Variants in NUBPL observed in about 807,000 individuals in gnomAD.
NUBPL encodes the protein NUBP iron-sulfur cluster assembly factor, mitochondrial.
In NUBPL, 31 loss-of-function variants were observed where a neutral mutation model predicts 45.7. That is an observed-to-expected ratio of 0.68 (90% confidence interval 0.51 to 0.92). The LOEUF is 0.92. Ranked by LOEUF, NUBPL falls within the 40% of genes least tolerant of loss-of-function variation. The pLI, the probability that NUBPL is intolerant of heterozygous loss-of-function variation, is 0.00. For missense variants in NUBPL, 401 were observed against 398.7 expected (o/e 1.01, Z -0.05); for synonymous variants, 144 against 140.9 (o/e 1.02, Z -0.15).
chr14:31,650,596 T>C (rs1453714302), intron 4 of NUBPL, among the ~76,000 whole-genome samples: 1 of 152,174 alleles, frequency 6.6e-6, no homozygotes, highest in Non-Finnish European at 1.5e-5. Flanking sequence ...GCCCCAGGAA[T>C]GGCTTTCATT....
intron 4 of NUBPL, among the ~76,000 whole-genome samples, chr14:31,661,058 A>C (rs1250801033): frequency 6.6e-6 from 1 of 152,206 alleles, no homozygotes; most frequent in Non-Finnish European, 1.5e-5. Flanking sequence ...TATAATATAA[A>C]AGCAGTCCCT....
chr14:31,727,891 G>C (rs2037961115), intron 6 of NUBPL, among the ~76,000 whole-genome samples: 1 of 152,128 alleles, frequency 6.6e-6, no homozygotes, highest in South Asian at 2.1e-4. Flanking sequence ...TTAAGTATAA[G>C]CTGGGAACTG....
intron 6 of NUBPL, among the ~76,000 whole-genome samples, chr14:31,769,200 G>C (rs2038964813): frequency 6.6e-6 from 1 of 152,202 alleles, no homozygotes; most frequent in African/African-American, 2.4e-5. Context: ...TATGACAATA[G>C]CAAGCAGTTT....
intron 6 of NUBPL, among the ~76,000 whole-genome samples, chr14:31,683,018 C>CT (rs34251298): frequency 0.82 from 109,321 of 133,938 alleles, 48,452 homozygotes; most frequent in East Asian, 0.98. Context: ...TGCTAGGTTC[C>CT]TTTTTTTTTT....
At chr14:31,794,472 TG>T (rs2039445891) in intron 7 of NUBPL, among the ~76,000 whole-genome samples, 1 of 15,064 alleles carries the variant, frequency 6.6e-5, no homozygotes, top group Non-Finnish European at 1.0e-4. Flanking sequence ...TGCATTTCTC[TG>T]ATGGCCAGTG....
At chr14:31,613,709 G>A (rs2034822645) in intron 4 of NUBPL, among the ~76,000 whole-genome samples, 1 of 152,038 alleles carries the variant, frequency 6.6e-6, no homozygotes, top group Non-Finnish European at 1.5e-5. Flanking sequence ...TCCTGCCTCA[G>A]CCTCCCAAAG....
chr14:31,621,701 G>C (rs567362282), intron 4 of NUBPL, among the ~76,000 whole-genome samples: 2 of 152,210 alleles, frequency 1.3e-5, no homozygotes, highest in Non-Finnish European at 2.9e-5. Flanking sequence ...CGTCGATCTC[G>C]CTGGGAGCTG....
intron 4 of NUBPL, among the ~76,000 whole-genome samples, chr14:31,611,247 T>G (rs182130723): frequency 6.6e-6 from 1 of 152,180 alleles, no homozygotes; most frequent in Non-Finnish European, 1.5e-5. Flanking sequence ...GGATACAAAA[T>G]CTACTTGCAG....
chr14:31,648,975 A>ATT (rs67397073), intron 4 of NUBPL, among the ~76,000 whole-genome samples: 2 of 151,778 alleles, frequency 1.3e-5, no homozygotes, highest in South Asian at 2.1e-4. Context: ...CACCTGGCTA[A>ATT]TTTTTTTTAT....
intron 8 of NUBPL, among the ~76,000 whole-genome samples, chr14:31,834,178 C>CT (rs34255943): frequency 0.064 from 6,809 of 106,734 alleles, 484 homozygotes; most frequent in Non-Finnish European, 0.088. Context: ...TGGCCTGGAA[C>CT]TTTTTTTTTT....
chr14:31,617,228 GT>G (rs1464687725), intron 4 of NUBPL, among the ~76,000 whole-genome samples: 6 of 152,120 alleles, frequency 3.9e-5, no homozygotes, highest in African/African-American at 1.4e-4. Context: ...AACAGGGACA[GT>G]TTGACTTCCT....
chr14:31,759,521 A>G (rs1439429778), intron 6 of NUBPL, among the ~76,000 whole-genome samples: 1 of 152,138 alleles, frequency 6.6e-6, no homozygotes, highest in Non-Finnish European at 1.5e-5. Flanking sequence ...TATAAAGCTA[A>G]TTAATTACCT....
intron 6 of NUBPL, among the ~76,000 whole-genome samples, chr14:31,742,024 C>T (rs528174712): frequency 6.6e-6 from 1 of 151,978 alleles, no homozygotes; most frequent in South Asian, 2.1e-4. Flanking sequence ...AATATAAAAT[C>T]CTCTCCCTCC....
chr14:31,731,277 G>A (rs897097662), intron 6 of NUBPL, among the ~76,000 whole-genome samples: 6 of 152,182 alleles, frequency 3.9e-5, no homozygotes, highest in African/African-American at 1.4e-4. Context: ...ACGATAAAAA[G>A]GGGAGCTCCA....
intron 6 of NUBPL, among the ~76,000 whole-genome samples, chr14:31,786,240 A>G (rs1036281283): frequency 6.6e-6 from 1 of 152,192 alleles, no homozygotes. Flanking sequence ...TAAGGAGCAC[A>G]ATATGAAATT....
At chr14:31,717,740 A>C (rs2037720569) in intron 6 of NUBPL, among the ~76,000 whole-genome samples, 1 of 151,868 alleles carries the variant, frequency 6.6e-6, no homozygotes, top group Non-Finnish European at 1.5e-5. Flanking sequence ...CTAACTCAAG[A>C]ATCGATTTTG....
intron 4 of NUBPL, among the ~76,000 whole-genome samples, chr14:31,665,803 T>G (rs1171934189): frequency 6.6e-6 from 1 of 152,112 alleles, no homozygotes; most frequent in Non-Finnish European, 1.5e-5. Flanking sequence ...TTCTGTCTTG[T>G]TGATCTGTCT....
chr14:31,688,596 A>C (rs1352687480), intron 6 of NUBPL, among the ~76,000 whole-genome samples: 1 of 150,304 alleles, frequency 6.7e-6, no homozygotes, highest in Non-Finnish European at 1.5e-5. Flanking sequence ...AAAAAAGAAA[A>C]AAAAAAAAAA....
At chr14:31,751,171 A>G (rs1310513770) in intron 6 of NUBPL, among the ~76,000 whole-genome samples, 1 of 152,184 alleles carries the variant, frequency 6.6e-6, no homozygotes, top group Non-Finnish European at 1.5e-5. Context: ...GAGCTAAACC[A>G]TATCATTTGG....
Sources: allele counts gnomAD v4.1 joint callset (sites outside exome capture counted in the v4.1 genomes callset), GRCh38; gene constraint gnomAD v4.1.1; transcripts MANE v1.5; gene names NCBI Gene and HGNC (gene_info 2026-07-23, HGNC 2026-07-21).